MCM9: variants seen among roughly 807,000 people sequenced by gnomAD.
The protein encoded by MCM9 is DNA helicase MCM9.
MCM9 carries 55 observed loss-of-function variants against 72.8 expected under a neutral mutation model. That is an observed-to-expected ratio of 0.76 (90% CI 0.61 to 0.95). MCM9 has a LOEUF of 0.95. MCM9 is among the 40% of genes least tolerant of loss of function. MCM9 has a pLI of 0.00. For synonymous variants in MCM9, 480 were observed against 503.4 expected (o/e 0.95, Z 0.62); for missense variants, 1,279 against 1,377.0 (o/e 0.93, Z 1.13).
intron 8 of MCM9, chr6:118,911,166 C>T: frequency 1.0e-6 from 1 of 985,234 alleles, no homozygotes; most frequent in Non-Finnish European, 1.2e-6. Flanking sequence ...ATGAATGAAG[C>T]TCCACATTGC....
chr6:118,883,648 A>G (rs984788072), intron 8 of MCM9, among the ~76,000 whole-genome samples: 14 of 152,120 alleles, frequency 9.2e-5, no homozygotes, highest in Admixed American at 5.9e-4. Context: ...TTCTAATCAG[A>G]AACAGTGGAG....
rs1554260276 is a variant in MCM9, at chr6:118,893,940, T to TCCCCGCCGCGGCCACGC, written c.1150+17693_1150+17709dup. On this transcript the variant is annotated intron_variant, in intron 8 of 13. Transcript: ENST00000619706. The stretch of plus-strand genomic sequence containing the variant: ...CGCGCCCTCCCGCCGCAGCCACGCC[T>TCCCCGCCGCGGCCACGC]CCCCGCCGCGGCCACGCCCCCTCCG... 58 of 891,084 alleles carry TCCCCGCCGCGGCCACGC rather than the reference T, an allele frequency of 6.5e-5. 1 individual carries two copies. The East Asian group carries it at 3.2e-3, about 49-fold the overall frequency. 55.2% of individuals were successfully genotyped at this position (891,084 alleles called of 1,614,324 possible).
At chr6:118,891,138 T>C (rs1441066811) in intron 8 of MCM9, among the ~76,000 whole-genome samples, 3 of 152,246 alleles carry the variant, frequency 2.0e-5, no homozygotes, top group Admixed American at 1.3e-4. Flanking sequence ...CTTGAATCCA[T>C]GCAAGTAAGC....
chr6:118,881,425 T>A (rs1372678583), intron 8 of MCM9, among the ~76,000 whole-genome samples: 1 of 152,182 alleles, frequency 6.6e-6, no homozygotes, highest in Admixed American at 6.5e-5. Context: ...TGACTTGTAG[T>A]TTGTTTGTAT....
At chr6:118,863,769 C>T (rs1777046414) in intron 8 of MCM9, among the ~76,000 whole-genome samples, 1 of 152,194 alleles carries the variant, frequency 6.6e-6, no homozygotes, top group African/African-American at 2.4e-5. Flanking sequence ...CAGAACTCTG[C>T]AGAGAGTCCT....
At position 118,909,690 on chromosome 6, in the gene MCM9, G is replaced by A. The variant is rs906310445; in HGVS notation, c.1150+1960C>T. On this transcript the variant is annotated intron_variant, in intron 8 of 13. Transcript: ENST00000619706. ...TGAAGAAGTATGCATGCATTTATTT[G>A]CCCATTCATAACCTTATACAACTTT... is the stretch of plus-strand genomic sequence containing the variant. Among the ~76,000 whole-genome samples, 4 of 152,220 alleles carry A rather than the reference G, an allele frequency of 2.6e-5. No homozygotes were observed. The East Asian group carries it at 7.7e-4, about 29-fold the overall frequency.
intron 9 of MCM9, among the ~76,000 whole-genome samples, chr6:118,845,929 T>C (rs534414828): frequency 6.6e-6 from 1 of 151,980 alleles, no homozygotes; most frequent in South Asian, 2.1e-4. Flanking sequence ...CTTCCAGCCA[T>C]TGATTCTAAA....
chr6:118,827,239 C>A (rs1278318424), intron 11 of MCM9, among the ~76,000 whole-genome samples: 1 of 152,146 alleles, frequency 6.6e-6, no homozygotes, highest in African/African-American at 2.4e-5. Flanking sequence ...GATCTATGAG[C>A]TTTTCAAAGC....
intron 5 of MCM9, 78 bp downstream of exon 5, chr6:118,921,927 G>T: frequency 1.8e-6 from 2 of 1,083,178 alleles, no homozygotes; most frequent in Non-Finnish European, 2.7e-6. Context: ...GTGATCTTGG[G>T]AAAATAAAAA....
At chr6:118,934,428 C>G (rs898331784) in intron 1 of MCM9, 49 of 152,290 alleles carry the variant, frequency 3.2e-4, no homozygotes, top group African/African-American at 1.1e-3. Flanking sequence ...GAAAAGAAGA[C>G]AGGAGAGTGC....
At chr6:118,908,278 CAG>C (rs1268725511) in intron 8 of MCM9, 1 of 152,064 alleles carries the variant, frequency 6.6e-6, no homozygotes, top group Non-Finnish European at 1.5e-5. Flanking sequence ...GTTCTTATAA[CAG>C]AGTTTAGAAT....
At chr6:118,840,725 T>C (rs987602919) in intron 9 of MCM9, among the ~76,000 whole-genome samples, 3 of 143,234 alleles carry the variant, frequency 2.1e-5, no homozygotes, top group Non-Finnish European at 3.0e-5. Context: ...GTACATATAT[T>C]CTCTCCTCCC....
chr6:118,831,830 G>A (rs1774584153), intron 9 of MCM9, among the ~76,000 whole-genome samples: 1 of 152,050 alleles, frequency 6.6e-6, no homozygotes, highest in South Asian at 2.1e-4. Flanking sequence ...AGCAAGCACT[G>A]CATTAGGTTT....
chr6:118,845,502 A>G (rs559775053), intron 9 of MCM9, among the ~76,000 whole-genome samples: 1 of 151,934 alleles, frequency 6.6e-6, no homozygotes, highest in East Asian at 1.9e-4. Flanking sequence ...GTCACTAAAA[A>G]AGCGGGGAGC....
chr6:118,867,444 T>C (rs568371333), intron 8 of MCM9, among the ~76,000 whole-genome samples: 1 of 152,222 alleles, frequency 6.6e-6, no homozygotes, highest in Non-Finnish European at 1.5e-5. Context: ...AGCCCTTATA[T>C]TCACTCACTA....
In MCM9 at chr6:118,814,935, AC is replaced by A; in HGVS notation, c.3320del (p.Arg1107LeufsTer7). On this transcript the variant is annotated frameshift_variant, in exon 14 of 14. Coordinates refer to ENST00000619706, the MANE Select transcript of MCM9 (RefSeq NM_017696.3). LOFTEE classifies it low-confidence loss of function (END_TRUNC). ...AAACAATCAGTTTCTCGGTGGACCC[AC>A]GGAGCTGAAAAGATTTCCTTTTACT... ...RVSKRKSFQL[R>X]GSTEKLIVSK... 1 of 1,542,154 alleles carries A rather than the reference AC, an allele frequency of 6.5e-7. No individual in the cohort carries two copies. Among genetic ancestry groups the A allele is most frequent in the Admixed American group, 2.0e-5 (1 of 50,136 alleles).
intron 13 of MCM9, among the ~76,000 whole-genome samples, chr6:118,819,330 G>A (rs4027592): frequency 0.3 from 45,578 of 152,022 alleles, 7,924 homozygotes; most frequent in East Asian, 0.64. Flanking sequence ...TTAGCACGAA[G>A]GGGTGTTGAA....
At chr6:118,877,058 A>C (rs1008686962) in intron 8 of MCM9, among the ~76,000 whole-genome samples, 4 of 152,234 alleles carry the variant, frequency 2.6e-5, no homozygotes, top group Admixed American at 1.3e-4. Flanking sequence ...TTTAGAGCCC[A>C]GCCACTATGT....
intron 10 of MCM9, among the ~76,000 whole-genome samples, chr6:118,828,711 C>T (rs1350228642): frequency 6.6e-6 from 1 of 152,158 alleles, no homozygotes; most frequent in Non-Finnish European, 1.5e-5. Flanking sequence ...AAAGAGAAGC[C>T]TACATTTAGA....
Sources: gnomAD v4.1 joint callset for allele counts (sites outside exome capture counted in the v4.1 genomes callset) on GRCh38, gnomAD v4.1.1 for gene constraint, MANE v1.5 for transcripts, NCBI Gene and HGNC (gene_info 2026-07-23, HGNC 2026-07-21) for gene names.